The following ADGRV1 variants were observed in gnomAD, a reference collection of about 807,000 sequenced individuals.
ADGRV1 encodes the protein adhesion G protein-coupled receptor V1.
Under a neutral mutation model 596.2 loss-of-function variants are expected in ADGRV1, and 359 were observed. That is an observed-to-expected ratio of 0.60 (90% CI 0.55 to 0.66). ADGRV1 has a LOEUF of 0.66. ADGRV1 is among the 30% of genes least tolerant of loss of function. The pLI is 0.00. For missense variants in ADGRV1, 7,274 were observed against 7,575.6 expected, an observed-to-expected ratio of 0.96 and a Z score of 1.48; for synonymous variants, 2,681 against 2,679.2, an observed-to-expected ratio of 1.00 and a Z score of -0.02.
At chr5:90,879,487 T>C (rs1366927223) in intron 83 of ADGRV1, among the ~76,000 whole-genome samples, 1 of 152,216 alleles carries the variant, frequency 6.6e-6, no homozygotes, top group Admixed American at 6.5e-5. Flanking sequence ...AAATTTGTGA[T>C]ATAATTTTGA....
At chr5:90,958,283 CAAAAAAAAAAA>C (rs34676985) in intron 83 of ADGRV1, among the ~76,000 whole-genome samples, 2 of 72,830 alleles carry the variant, frequency 2.7e-5, no homozygotes, top group South Asian at 1.0e-3. Context: ...GACCTTGTCT[CAAAAAAAAAAA>C]AAAAAAAAAG....
At chr5:90,561,230 C>T (rs1375989906) in intron 1 of ADGRV1, among the ~76,000 whole-genome samples, 2 of 152,132 alleles carry the variant, frequency 1.3e-5, no homozygotes, top group South Asian at 2.1e-4. Flanking sequence ...TGTGATCGTT[C>T]ATTGTTCTGA....
At chr5:90,851,552 C>T (rs1038725556) in intron 79 of ADGRV1, among the ~76,000 whole-genome samples, 1 of 152,124 alleles carries the variant, frequency 6.6e-6, no homozygotes, top group African/African-American at 2.4e-5. Flanking sequence ...GAATCTAGAA[C>T]AATCACTTGG....
In ADGRV1 at chr5:90,750,502, A is replaced by G. The variant is rs752285295; in HGVS notation, c.10975-49A>G. The G allele has an allele frequency of 1.7e-5, 26 of 1,508,530 alleles. No individual in the cohort carries two copies. In the African/African-American group the frequency reaches 3.2e-4, roughly 19 times the overall value. The allele number at this position is 1,508,530 out of a possible 1,614,324, so 93.4% of individuals were successfully genotyped here. Reference sequence around the variant, plus strand: ...AACATGAGACAAAAAAAGAAGTCTGATTAGGTAATTTCAGGGAACCCCTTG... The same window carrying G: ...AACATGAGACAAAAAAAGAAGTCTGGTTAGGTAATTTCAGGGAACCCCTTG... On this transcript the variant is annotated intron_variant, in intron 52 of 89. Coordinates refer to ENST00000405460, the MANE Select transcript of ADGRV1 (RefSeq NM_032119.4).
chr5:90,617,980 A>G, intron 3 of ADGRV1, 27 bp downstream of exon 3: 1 of 1,494,750 alleles, frequency 6.7e-7, no homozygotes, highest in Non-Finnish European at 9.0e-7. Context: ...TCCTTATAAA[A>G]ATTATAAGGA....
chr5:90,827,164 T>G (rs773941917), intron 76 of ADGRV1, among the ~76,000 whole-genome samples: 1 of 152,146 alleles, frequency 6.6e-6, no homozygotes, highest in African/African-American at 2.4e-5. Context: ...CATCTTATAC[T>G]AGTTAGGGCA....
chr5:90,794,378 G>T (rs1314780140), intron 70 of ADGRV1, among the ~76,000 whole-genome samples: 3 of 152,130 alleles, frequency 2.0e-5, no homozygotes, highest in Non-Finnish European at 4.4e-5. Flanking sequence ...CTGACAATAA[G>T]AATCATTGAC....
intron 83 of ADGRV1, among the ~76,000 whole-genome samples, chr5:90,874,931 T>A (rs2150516081): frequency 1.3e-5 from 2 of 152,300 alleles, no homozygotes; most frequent in East Asian, 3.9e-4. Context: ...TTAGGCTTTC[T>A]TATAAAGAGC....
chr5:90,716,425 CTTCTATT>C, intron 42 of ADGRV1, 35 bp from the exon 43 acceptor site: 1 of 1,443,110 alleles, frequency 6.9e-7, no homozygotes, highest in East Asian at 2.3e-5. Context: ...TTTATAACCT[CTTCTATT>C]TTCATTTGTT....
intron 83 of ADGRV1, among the ~76,000 whole-genome samples, chr5:90,926,574 C>G (rs1186095959): frequency 6.6e-6 from 1 of 151,594 alleles, no homozygotes; most frequent in Non-Finnish European, 1.5e-5. Flanking sequence ...TTGATCCTTT[C>G]AAAAAACCAG....
At chr5:90,585,462 G>T (rs1339230334) in intron 1 of ADGRV1, among the ~76,000 whole-genome samples, 1 of 152,192 alleles carries the variant, frequency 6.6e-6, no homozygotes, top group South Asian at 2.1e-4. Context: ...AATTAAGGAG[G>T]CCTAGGGTTG....
At chr5:90,756,911 A>G in intron 56 of ADGRV1, 68 bp from the exon 57 acceptor site, 2 of 1,273,688 alleles carry the variant, frequency 1.6e-6, no homozygotes, top group South Asian at 1.5e-5. Context: ...AGAAACAATA[A>G]CTTTAGAAAG....
chr5:91,022,728 A>AC (rs1160245668), intron 85 of ADGRV1, among the ~76,000 whole-genome samples: 3 of 151,980 alleles, frequency 2.0e-5, no homozygotes, highest in Non-Finnish European at 4.4e-5. Context: ...GTGGAACCCC[A>AC]CCCCCATTCA....
chr5:90,947,399 T>C lies in ADGRV1; in HGVS notation c.17857-18016T>C, dbSNP rs1247701406. Among the ~76,000 whole-genome samples the C allele has an allele frequency of 3.3e-5, 5 of 152,218 alleles. No individual in the cohort carries two copies. In the South Asian group the frequency reaches 6.2e-4, roughly 19 times the overall value. On this transcript the variant is annotated intron_variant, in intron 83 of 89. Coordinates refer to ENST00000405460, the MANE Select transcript of ADGRV1 (RefSeq NM_032119.4). The stretch of plus-strand genomic sequence containing the variant: ...GGATATTACGTCTTTGTCAGACAGA[T>C]AGATTGCAAAAATTTTCTCCCATTC...
At chr5:91,090,957 A>G (rs939285466) in intron 86 of ADGRV1, among the ~76,000 whole-genome samples, 3 of 152,152 alleles carry the variant, frequency 2.0e-5, no homozygotes, top group Admixed American at 6.5e-5. Flanking sequence ...CTTGGGTTTC[A>G]TAAAAGTTTT....
intron 79 of ADGRV1, among the ~76,000 whole-genome samples, chr5:90,849,876 G>A (rs1766308895): frequency 6.6e-6 from 1 of 152,230 alleles, no homozygotes. Flanking sequence ...GGTAAAAACA[G>A]TATAATGAAA....
chr5:91,030,963 A>G (rs1256552384), intron 85 of ADGRV1: 5 of 1,199,896 alleles, frequency 4.2e-6, no homozygotes, highest in Non-Finnish European at 5.7e-6. Context: ...TTGTAATCAA[A>G]GGAAAAAACG....
intron 85 of ADGRV1, among the ~76,000 whole-genome samples, chr5:91,042,694 C>A (rs1210963860): frequency 1.3e-5 from 2 of 152,122 alleles, no homozygotes; most frequent in Non-Finnish European, 1.5e-5. Flanking sequence ...GAAAATAGAG[C>A]AGCCTTTTAA....
chr5:91,011,647 G>A (rs1251192661), intron 85 of ADGRV1, among the ~76,000 whole-genome samples: 6 of 151,714 alleles, frequency 4.0e-5, no homozygotes, highest in Admixed American at 6.6e-5. Context: ...TTAAATTTCT[G>A]TGTTCTTTCT....
Sources: allele counts gnomAD v4.1 joint callset (sites outside exome capture counted in the v4.1 genomes callset), GRCh38; gene constraint gnomAD v4.1.1; transcripts MANE v1.5; gene names NCBI Gene and HGNC (gene_info 2026-07-23, HGNC 2026-07-21).